Variants in ZDHHC11 observed in about 807,000 individuals in gnomAD.
ZDHHC11 encodes the protein zDHHC palmitoyltransferase 11, also known as palmitoyltransferase ZDHHC11.
In ZDHHC11, 44 loss-of-function variants were observed where a neutral mutation model predicts 51.3. The ratio of observed to expected loss-of-function variants is 0.86; its 90% CI spans 0.67 to 1.10. ZDHHC11 has a LOEUF of 1.10. ZDHHC11 is among the 50% of genes least tolerant of loss of function. The pLI is 0.00. For missense variants in ZDHHC11, 400 were observed against 537.7 expected (o/e 0.74, Z 2.53); for synonymous variants, 163 against 222.0 (o/e 0.73, Z 2.36).
intron 3 of ZDHHC11, among the ~76,000 whole-genome samples, chr5:844,629 G>C (rs1477369809): frequency 6.6e-6 from 1 of 152,312 alleles, no homozygotes; most frequent in Admixed American, 6.5e-5. Context: ...AGAGCCACGA[G>C]AGTGCCGTGG....
In ZDHHC11 at chr5:801,095, C is replaced by A. The variant is rs1738348142; in HGVS notation, c.*7+5G>T. 6.2e-7 allele frequency: 1 copy of A among 1,609,806 alleles called. No individual in the cohort carries two copies. Among genetic ancestry groups the A allele is most frequent in the Admixed American group, 1.7e-5 (1 of 59,880 alleles). ...CAACATGACCCGCACTGCCACGTAT[C>A]TTACCTGAATCTCAGTCTTCACTTT... is the stretch of plus-strand genomic sequence containing the variant. On this transcript the variant is annotated splice_donor_5th_base_variant and intron_variant, in intron 12 of 12. Transcript: ENST00000283441.
intron 7 of ZDHHC11, among the ~76,000 whole-genome samples, chr5:825,785 T>C (rs1742282578): frequency 6.6e-6 from 1 of 152,262 alleles, no homozygotes; most frequent in African/African-American, 2.4e-5. Context: ...TGGAGGCCAG[T>C]CAGCTCAGGA....
chr5:846,906 C>T (rs923827737), intron 3 of ZDHHC11, among the ~76,000 whole-genome samples: 7 of 43,388 alleles, frequency 1.6e-4, no homozygotes, highest in African/African-American at 9.0e-4. Flanking sequence ...CTCATCCTTG[C>T]GCCTCCACCG....
intron 10 of ZDHHC11, among the ~76,000 whole-genome samples, chr5:815,061 G>T (rs1431843769): frequency 6.6e-6 from 1 of 151,304 alleles, no homozygotes; most frequent in East Asian, 1.9e-4. Flanking sequence ...TGGAGACAGG[G>T]TCTTGAAAGA....
chr5:859,718 C>G (rs1328435769), upstream of ZDHHC11, among the ~76,000 whole-genome samples: 1 of 152,232 alleles, frequency 6.6e-6, no homozygotes, highest in Non-Finnish European at 1.5e-5. Flanking sequence ...CGGAGCACAG[C>G]TTCACCACGA....
intron 1 of ZDHHC11, among the ~76,000 whole-genome samples, chr5:856,096 C>T (rs951480559): frequency 3.3e-5 from 5 of 152,078 alleles, no homozygotes; most frequent in African/African-American, 1.2e-4. Context: ...GGCCCACGCT[C>T]AGCCTCGATA....
intron 11 of ZDHHC11, among the ~76,000 whole-genome samples, chr5:805,889 C>T (rs561366724): frequency 1.1e-4 from 16 of 151,116 alleles, no homozygotes; most frequent in African/African-American, 3.4e-4. Context: ...GGGTGAGGAG[C>T]GAGGATGGGG....
intron 10 of ZDHHC11, among the ~76,000 whole-genome samples, chr5:815,427 A>C (rs548850537): frequency 6.6e-6 from 1 of 151,640 alleles, no homozygotes; most frequent in South Asian, 2.1e-4. Flanking sequence ...GTGCTGGCTC[A>C]TATGATAAGT....
At chr5:855,609 G>GGGC (rs1748099297), upstream of ZDHHC11, among the ~76,000 whole-genome samples, 1 of 145,824 alleles carries the variant, frequency 6.9e-6, no homozygotes, top group African/African-American at 2.6e-5. Context: ...GAGCAGCGGG[G>GGGC]ACAGACCCCA....
intron 8 of ZDHHC11, among the ~76,000 whole-genome samples, chr5:822,390 T>C (rs975854206): frequency 6.6e-6 from 1 of 151,466 alleles, no homozygotes; most frequent in Non-Finnish European, 1.5e-5. Context: ...TGCAGATATG[T>C]GAGAAAATAC....
chr5:858,004 T>C (rs1225868316), intron 1 of ZDHHC11, among the ~76,000 whole-genome samples: 1 of 133,450 alleles, frequency 7.5e-6, no homozygotes, highest in African/African-American at 3.0e-5. Context: ...GTCCCCCGGG[T>C]CTGTCCCGGT....
intron 11 of ZDHHC11, among the ~76,000 whole-genome samples, chr5:810,293 C>T (rs1486690346): frequency 4.1e-5 from 6 of 144,810 alleles, no homozygotes; most frequent in South Asian, 2.3e-4. Context: ...CTGAATGAGG[C>T]GCTGGGGATT....
rs376857168 is a variant in ZDHHC11, at chr5:801,148, T to C, written c.1198A>G (p.Thr400Ala). The change falls in exon 12 of 13, where the codon ACA becomes GCA. Residue 400 changes from threonine to alanine, a missense_variant. Coordinates refer to ENST00000283441, the MANE Select transcript of ZDHHC11 (RefSeq NM_024786.3). ...ISTLGLQQETTEPMKTDSAES... is the reference protein window; with the variant it reads ...ISTLGLQQETAEPMKTDSAES... ...GCACTGTCAGTTTTCATGGGCTCTG[T>C]TGTTTCTTGTTGCAGCCTGTTTGCA... 38 of 1,611,006 alleles carry C rather than the reference T, an allele frequency of 2.4e-5. No individual in the cohort carries two copies. Among genetic ancestry groups the C allele is most frequent in the Non-Finnish European group, 3.2e-5 (38 of 1,177,922 alleles).
chr5:831,134 A>C (rs1450037871), intron 7 of ZDHHC11, among the ~76,000 whole-genome samples: 1 of 149,384 alleles, frequency 6.7e-6, no homozygotes. Flanking sequence ...AGCTTAATTT[A>C]TCTTTATTTT....
intron 10 of ZDHHC11, among the ~76,000 whole-genome samples, chr5:819,169 G>T (rs1391719933): frequency 6.6e-6 from 1 of 151,558 alleles, no homozygotes; most frequent in Non-Finnish European, 1.5e-5. Flanking sequence ...TTCTGCCATG[G>T]CTACCAATTT....
rs1748594162 is a variant in ZDHHC11 at position 858,443 on chromosome 5, C to A, written c.-1+431G>T. 2.0e-5 allele frequency among the ~76,000 whole-genome samples: 3 copies of A among 152,270 alleles called. No homozygotes were observed. In the South Asian group the frequency reaches 6.2e-4, roughly 32 times the overall value. On this transcript the variant is annotated intron_variant, in intron 1 of 3. Coordinates refer to the ZDHHC11 transcript ENST00000685990. ...CGTGGTCCCTGAATCTATCCTGGTCCAAGTCCCCATCCTGTCTTTATGACA... is the reference window on the plus strand; with the variant it reads ...CGTGGTCCCTGAATCTATCCTGGTCAAAGTCCCCATCCTGTCTTTATGACA...
At chr5:843,937 CGGGGGCATGCAGGGCAG>C (rs1745608079) in intron 3 of ZDHHC11, among the ~76,000 whole-genome samples, 4 of 90,366 alleles carry the variant, frequency 4.4e-5, no homozygotes, top group African/African-American at 2.2e-4. Context: ...GAGGCAGGGG[CGGGGGCATGCAGGGCAG>C]GTGGGGGGTG....
rs3747733 is a variant in ZDHHC11, at chr5:850,931, G to A, written c.-329C>T. ...ATCAGTTCCCCTGAGGATTTGTTAC[G>A]TTCTGGGGAGTGCTCGACAGCCCCC... On this transcript the variant is annotated 5_prime_UTR_variant, in exon 1 of 13. It adds an upstream start codon to the 5' untranslated region. Coordinates refer to ENST00000283441, the MANE Select transcript of ZDHHC11 (RefSeq NM_024786.3). 0.056 allele frequency: 24,020 copies of A among 427,428 alleles called. 2,898 individuals carry two copies. Among genetic ancestry groups the A allele is most frequent in the African/African-American group, 0.33 (15,545 of 46,434 alleles). The allele number at this position is 427,428 out of a possible 1,614,324, so 26.5% of individuals were successfully genotyped here. A position where few individuals can be genotyped will look rare whatever the true frequency, so the allele number is the denominator to read the frequency against.
intron 11 of ZDHHC11, among the ~76,000 whole-genome samples, chr5:811,569 G>A (rs1438801012): frequency 6.8e-6 from 1 of 147,608 alleles, no homozygotes; most frequent in Non-Finnish European, 1.5e-5. Flanking sequence ...GAGCTTCTGG[G>A]GCAACTCAGG....
Sources: allele counts gnomAD v4.1 joint callset (sites outside exome capture counted in the v4.1 genomes callset), GRCh38; gene constraint gnomAD v4.1.1; transcripts MANE v1.5; gene names NCBI Gene and HGNC (gene_info 2026-07-23, HGNC 2026-07-21).